The following FOXP4 variants were observed in gnomAD, a reference collection of about 807,000 sequenced individuals.
The protein encoded by FOXP4 is forkhead box P4, also known as forkhead box protein P4.
A neutral mutation model predicts 82.6 loss-of-function variants in FOXP4; 25 were observed. The ratio of observed to expected loss-of-function variants is 0.30; its 90% CI spans 0.22 to 0.42. The LOEUF (loss-of-function observed/expected upper bound fraction) is 0.42. FOXP4 is among the 10% of genes least tolerant of loss of function. The pLI, the probability that FOXP4 is intolerant of heterozygous loss-of-function variation, is 1.00. For synonymous variants in FOXP4, 415 were observed against 388.2 expected (o/e 1.07, Z -0.81); for missense variants, 785 against 900.9 (o/e 0.87, Z 1.65).
chr6:41,546,731 G>A lies in FOXP4; in HGVS notation c.-153G>A, dbSNP rs1275034413. ...GGCCCGGCGCGCTGGGAGGACGCCC[G>A]GGAGCTGCGCGACGCGGGGCGGCGC... On this transcript the variant is annotated 5_prime_UTR_variant, in exon 1 of 17. Transcript: ENST00000307972. 4 of 146,744 alleles carry A rather than the reference G, an allele frequency of 2.7e-5. No homozygotes were observed. Among genetic ancestry groups the A allele is most frequent in the Admixed American group, 1.4e-4 (2 of 14,772 alleles). The allele number at this position is 146,744 out of a possible 1,614,324, so 9.1% of individuals were successfully genotyped here.
chr6:41,585,943 C>G (rs1766091233), intron 5 of FOXP4, among the ~76,000 whole-genome samples: 1 of 152,052 alleles, frequency 6.6e-6, no homozygotes, highest in African/African-American at 2.4e-5. Flanking sequence ...TCAGCCTGCC[C>G]CCAGCTTCTT....
chr6:41,557,890 C>T (rs967926387), intron 1 of FOXP4, among the ~76,000 whole-genome samples: 10 of 152,238 alleles, frequency 6.6e-5, no homozygotes, highest in South Asian at 2.1e-4. Context: ...CAGCACAGGA[C>T]GGCAGATTCA....
At position 41,597,947 on chromosome 6, in the gene FOXP4, A is replaced by T; in HGVS notation, c.1892A>T (p.Tyr631Phe). 6.5e-7 allele frequency: 1 copy of T among 1,529,140 alleles called. No homozygotes were observed. The highest frequency in any genetic ancestry group is 8.7e-7 in the Non-Finnish European group (1 of 1,143,066). 94.7% of individuals were successfully genotyped at this position (1,529,140 alleles called of 1,614,324 possible). A position where few individuals can be genotyped will look rare whatever the true frequency, so the allele number is the denominator to read the frequency against. Reference sequence around the variant, plus strand: ...CCTCCTCGCCTCTCCCCGCCCCAGTACAGGTGAGCACACAGCACGGACCCC... The same window carrying T: ...CCTCCTCGCCTCTCCCCGCCCCAGTTCAGGTGAGCACACAGCACGGACCCC... Reference protein sequence around the residue: ...SSPPRLSPPQYSHQVQVKEEP... With the variant: ...SSPPRLSPPQFSHQVQVKEEP... Residue 631 changes from tyrosine to phenylalanine, a missense_variant, in exon 16 of 17, where the codon TAC becomes TTC. Transcript: ENST00000307972.
At position 41,565,841 on chromosome 6, in the gene FOXP4, C is replaced by T. The variant is rs2104506; in HGVS notation, c.81C>T (p.Ala27=). 17 of 1,613,660 alleles carry T rather than the reference C, an allele frequency of 1.1e-5. No homozygotes were observed. Among genetic ancestry groups the T allele is most frequent in the Non-Finnish European group, 1.4e-5 (16 of 1,179,954 alleles). ...QNGVGSLSGQ[A]DGSSGGATGT... ...GCGTGGGCAGCCTCTCTGGGCAAGC[C>T]GATGGCAGCAGCGGCGGGGCCACAG... is the stretch of plus-strand genomic sequence containing the variant. The change falls in exon 2 of 17, where the codon GCC becomes GCT. Residue 27 remains alanine (A), a synonymous_variant. Transcript: ENST00000307972.
At chr6:41,554,363 C>G (rs934534793) in intron 1 of FOXP4, among the ~76,000 whole-genome samples, 1 of 152,238 alleles carries the variant, frequency 6.6e-6, no homozygotes, top group African/African-American at 2.4e-5. Flanking sequence ...AACCCAAGCC[C>G]TGTCAACACT....
chr6:41,585,353 A>C (rs913247343), intron 4 of FOXP4, 78 bp from the exon 5 acceptor site: 5 of 1,419,928 alleles, frequency 3.5e-6, no homozygotes, highest in Non-Finnish European at 4.9e-6. Flanking sequence ...TCCTGCCCCC[A>C]GGAGCCCAGA....
At chr6:41,551,813 G>A (rs146851394) in intron 1 of FOXP4, among the ~76,000 whole-genome samples, 2 of 152,202 alleles carry the variant, frequency 1.3e-5, no homozygotes, top group Non-Finnish European at 2.9e-5. Context: ...CAGGGACTCA[G>A]TAGTTGTATC....
At position 41,587,613 on chromosome 6, in the gene FOXP4, C is replaced by T. The variant is rs1205683432; in HGVS notation, c.872+101C>T. The T allele has an allele frequency of 9.2e-6, 10 of 1,085,878 alleles. No individual in the cohort carries two copies. The South Asian group carries it at 9.4e-5, about 10-fold the overall frequency. The allele number at this position is 1,085,878 out of a possible 1,614,324, so 67.3% of individuals were successfully genotyped here. On this transcript the variant is annotated intron_variant, in intron 7 of 16. Coordinates refer to ENST00000307972, the MANE Select transcript of FOXP4 (RefSeq NM_001012426.2). ...ACTGTGAGGGAGGGGGTGGAGCCCA[C>T]GGACCGGAGGTTCACTCCCTCTCCA...
intron 2 of FOXP4, among the ~76,000 whole-genome samples, chr6:41,576,057 C>CA (rs1765466188): frequency 6.6e-6 from 1 of 151,572 alleles, no homozygotes; most frequent in Admixed American, 6.6e-5. Context: ...CAACCCCCCC[C>CA]CCCACCCTTC....
At chr6:41,578,530 C>T (rs1444769551) in intron 3 of FOXP4, among the ~76,000 whole-genome samples, 1 of 151,916 alleles carries the variant, frequency 6.6e-6, no homozygotes, top group African/African-American at 2.4e-5. Flanking sequence ...CCCCCCTTCT[C>T]TTATCCTCCC....
intron 2 of FOXP4, among the ~76,000 whole-genome samples, chr6:41,571,412 G>A (rs543485220): frequency 4.6e-4 from 70 of 152,328 alleles, no homozygotes; most frequent in African/African-American, 1.6e-3. Context: ...CCTCATCCAC[G>A]CTGTTGAGTT....
intron 14 of FOXP4, 129 bp from the exon 15 acceptor site, chr6:41,597,047 C>T (rs1396516153): frequency 1.7e-5 from 16 of 950,012 alleles, no homozygotes; most frequent in Middle Eastern, 4.7e-4. Flanking sequence ...GCGGCTGATC[C>T]GCCCTGGCCT....
intron 1 of FOXP4, among the ~76,000 whole-genome samples, chr6:41,553,684 G>T (rs1764123244): frequency 6.6e-6 from 1 of 152,200 alleles, no homozygotes. Flanking sequence ...AACTTAGGAG[G>T]ACTAGGGGAG....
chr6:41,549,755 G>T (rs1361514481), intron 1 of FOXP4, among the ~76,000 whole-genome samples: 1 of 151,258 alleles, frequency 6.6e-6, no homozygotes, highest in Non-Finnish European at 1.5e-5. Flanking sequence ...GAGGGGAGAA[G>T]AATGGGAACA....
chr6:41,598,045 A>C lies in FOXP4; in HGVS notation c.1895+95A>C, dbSNP rs891736763. 7.8e-5 allele frequency: 69 copies of C among 880,410 alleles called. No individual in the cohort carries two copies. In the African/African-American group the frequency reaches 9.6e-4, roughly 12 times the overall value. 54.5% of individuals were successfully genotyped at this position (880,410 alleles called of 1,614,324 possible). A position where few individuals can be genotyped will look rare whatever the true frequency, so the allele number is the denominator to read the frequency against. ...CACCCTGGGTGGGGTTCCCCATCCC[A>C]CCCCCACCACGCCTCTCCCCAGGAC... On this transcript the variant is annotated intron_variant, in intron 16 of 16. Transcript: ENST00000307972.
intron 2 of FOXP4, among the ~76,000 whole-genome samples, chr6:41,567,504 A>C (rs1189342793): frequency 6.6e-6 from 1 of 152,212 alleles, no homozygotes; most frequent in Non-Finnish European, 1.5e-5. Context: ...AACCTTTACC[A>C]ACATAATAGC....
At chr6:41,572,940 A>G (rs1003700501) in intron 2 of FOXP4, among the ~76,000 whole-genome samples, 1 of 152,016 alleles carries the variant, frequency 6.6e-6, no homozygotes, top group Non-Finnish European at 1.5e-5. Flanking sequence ...GAAAATACCT[A>G]TTTTTTGACC....
intron 7 of FOXP4, 32 bp from the exon 8 acceptor site, chr6:41,587,761 C>T: frequency 6.9e-7 from 1 of 1,449,928 alleles, no homozygotes; most frequent in South Asian, 1.2e-5. Flanking sequence ...CTTCAGGGTC[C>T]CTGATCGGCC....
chr6:41,597,737 A>T, intron 15 of FOXP4, 44 bp from the exon 16 acceptor site: 1 of 1,587,666 alleles, frequency 6.3e-7, no homozygotes, highest in Non-Finnish European at 8.5e-7. Flanking sequence ...AGTGTGCCCC[A>T]TCCTGTGGAG....
Sources: gnomAD v4.1 joint callset for allele counts (sites outside exome capture counted in the v4.1 genomes callset) on GRCh38, gnomAD v4.1.1 for gene constraint, MANE v1.5 for transcripts, NCBI Gene and HGNC (gene_info 2026-07-23, HGNC 2026-07-21) for gene names.